The following SLIT3 variants were observed in gnomAD, a reference collection of about 807,000 sequenced individuals.
SLIT3 encodes the protein slit homolog 3 protein.
SLIT3 carries 68 observed loss-of-function variants against 184.0 expected under a neutral mutation model. The observed-to-expected ratio is 0.37, with a 90% CI of 0.30 to 0.45. SLIT3 has a LOEUF of 0.45. Ranked by LOEUF, SLIT3 falls within the 20% of genes least tolerant of loss-of-function variation. SLIT3 has a pLI of 1.00. For missense variants in SLIT3, 1,707 were observed against 2,026.0 expected, an observed-to-expected ratio of 0.84 and a Z score of 3.02; for synonymous variants, 831 against 828.6, an observed-to-expected ratio of 1.00 and a Z score of -0.05.
rs560237052 is a variant in SLIT3, at chr5:168,973,703, A to C, written c.414-90367T>G. On this transcript the variant is annotated intron_variant, in intron 4 of 35. Coordinates refer to ENST00000519560, the MANE Select transcript of SLIT3 (RefSeq NM_003062.4). ...GACAGTTTTCATTACTTCAAAAAGA[A>C]GCCCCATATCCCTTAGCCACAAACT... Among the ~76,000 whole-genome samples, 3 of 152,344 alleles carry C rather than the reference A, an allele frequency of 2.0e-5. No homozygotes were observed. In the South Asian group the frequency reaches 6.2e-4, roughly 32 times the overall value.
chr5:168,863,908 A>G (rs1227189089), intron 5 of SLIT3, among the ~76,000 whole-genome samples: 4 of 152,164 alleles, frequency 2.6e-5, no homozygotes, highest in African/African-American at 9.7e-5. Flanking sequence ...TTTGTCCACA[A>G]ATATTTCACA....
chr5:169,274,944 T>C (rs1766751960), intron 1 of SLIT3, among the ~76,000 whole-genome samples: 1 of 152,244 alleles, frequency 6.6e-6, no homozygotes, highest in South Asian at 2.1e-4. Flanking sequence ...TTAAACATGA[T>C]AATGTGTATA....
intron 3 of SLIT3, among the ~76,000 whole-genome samples, chr5:169,230,497 G>C (rs1219167606): frequency 6.6e-6 from 1 of 152,172 alleles, no homozygotes; most frequent in African/African-American, 2.4e-5. Flanking sequence ...CTAATTATTT[G>C]TTTCACATCT....
chr5:168,935,027 A>T (rs1762107995), intron 4 of SLIT3, among the ~76,000 whole-genome samples: 1 of 150,216 alleles, frequency 6.7e-6, no homozygotes, highest in South Asian at 2.1e-4. Context: ...AATCCCAGCT[A>T]CTTGGGAGGC....
At position 168,726,739 on chromosome 5, in the gene SLIT3, G is replaced by A. The variant is rs558125394; in HGVS notation, c.2271-2255C>T. Reference sequence around the variant, plus strand: ...TGTAATCCCAATACTTTGGGAAGCCGAGGCATGTGGATCATTTGAGGTCAG... The same window carrying A: ...TGTAATCCCAATACTTTGGGAAGCCAAGGCATGTGGATCATTTGAGGTCAG... On this transcript the variant is annotated intron_variant, in intron 20 of 35. Coordinates refer to ENST00000519560, the MANE Select transcript of SLIT3 (RefSeq NM_003062.4). Among the ~76,000 whole-genome samples the A allele has an allele frequency of 3.4e-4, 51 of 152,106 alleles. 1 individual carries two copies. The highest frequency in any genetic ancestry group is 1.4e-3 in the East Asian group (7 of 5,168).
intron 32 of SLIT3, among the ~76,000 whole-genome samples, chr5:168,680,976 C>T (rs1761572706): frequency 6.6e-6 from 1 of 152,126 alleles, no homozygotes; most frequent in Non-Finnish European, 1.5e-5. Context: ...CATGATGAAA[C>T]CCTGTCTCTT....
intron 1 of SLIT3, among the ~76,000 whole-genome samples, chr5:169,276,686 C>T (rs1273559188): frequency 1.3e-5 from 2 of 152,200 alleles, no homozygotes; most frequent in African/African-American, 4.8e-5. Context: ...GTAAAATTTA[C>T]ACTCAACAGC....
At position 168,817,319 on chromosome 5, in the gene SLIT3, C is replaced by T. The variant is rs1357747925; in HGVS notation, c.774G>A (p.Lys258=). The T allele has an allele frequency of 3.1e-6, 5 of 1,614,094 alleles. No homozygotes were observed. The Admixed American group carries it at 8.3e-5, about 27-fold the overall frequency. The change falls in exon 8 of 36, where the codon AAG becomes AAA. Residue 258 remains lysine, a synonymous_variant. Coordinates refer to ENST00000519560, the MANE Select transcript of SLIT3 (RefSeq NM_003062.4). ...LRGFNVADVQ[K]KEYVCPAPHS... ...CCTCACCTGGGCACACGTACTCCTT[C>T]TTCTGCACATCCGCCACGTTGAAGC... is the stretch of plus-strand genomic sequence containing the variant.
intron 4 of SLIT3, among the ~76,000 whole-genome samples, chr5:169,093,767 T>C (rs557380161): frequency 6.6e-6 from 1 of 152,290 alleles, no homozygotes; most frequent in East Asian, 1.9e-4. Context: ...CTCTCTAAAA[T>C]AATACACAAT....
chr5:169,078,732 T>C (rs1758846018), intron 4 of SLIT3, among the ~76,000 whole-genome samples: 1 of 152,210 alleles, frequency 6.6e-6, no homozygotes, highest in Non-Finnish European at 1.5e-5. Context: ...TTTCAGCTAC[T>C]CAGTGTGGTA....
At chr5:168,770,646 G>C (rs78756052) in intron 14 of SLIT3, among the ~76,000 whole-genome samples, 2,815 of 135,136 alleles carry the variant, frequency 0.021, 99 homozygotes, top group African/African-American at 0.074. Flanking sequence ...ATAATCTTTC[G>C]CTTAGCATTG....
At chr5:169,226,918 A>G (rs1764832613) in intron 3 of SLIT3, among the ~76,000 whole-genome samples, 1 of 151,232 alleles carries the variant, frequency 6.6e-6, no homozygotes, top group African/African-American at 2.5e-5. Context: ...TGCCTCAATG[A>G]GATATATACT....
At chr5:169,192,608 T>C (rs1763593449) in intron 4 of SLIT3, among the ~76,000 whole-genome samples, 1 of 152,192 alleles carries the variant, frequency 6.6e-6, no homozygotes, top group African/African-American at 2.4e-5. Flanking sequence ...GGAATGAGAA[T>C]GGTGGCCACA....
At chr5:169,294,296 T>A (rs962161665) in intron 1 of SLIT3, among the ~76,000 whole-genome samples, 1 of 141,174 alleles carries the variant, frequency 7.1e-6, no homozygotes, top group Non-Finnish European at 1.6e-5. Context: ...AAATTCCCCA[T>A]GAAAACCCAC....
intron 4 of SLIT3, among the ~76,000 whole-genome samples, chr5:169,131,736 C>A (rs1289958726): frequency 6.6e-6 from 1 of 152,186 alleles, no homozygotes; most frequent in East Asian, 1.9e-4. Flanking sequence ...TTAGCTATGC[C>A]TAAACCATTC....
At chr5:169,101,810 G>T (rs1581411195) in intron 4 of SLIT3, among the ~76,000 whole-genome samples, 1 of 152,210 alleles carries the variant, frequency 6.6e-6, no homozygotes, top group East Asian at 1.9e-4. Flanking sequence ...ATGTTATTCT[G>T]CTCTGCTTAG....
chr5:168,878,403 C>T (rs895595266), intron 5 of SLIT3, among the ~76,000 whole-genome samples: 3 of 152,220 alleles, frequency 2.0e-5, no homozygotes, highest in African/African-American at 7.2e-5. Context: ...GGCTCAGAGG[C>T]CGCCTGCGTC....
chr5:168,762,812 A>G, intron 14 of SLIT3, 123 bp from the exon 15 acceptor site: 2 of 958,522 alleles, frequency 2.1e-6, no homozygotes, highest in Non-Finnish European at 3.2e-6. Flanking sequence ...GGGGTCAAGT[A>G]ACAGACACGG....
intron 4 of SLIT3, among the ~76,000 whole-genome samples, chr5:169,179,276 C>CTTTTTTTTT (rs370270230): frequency 1.7e-4 from 21 of 124,932 alleles, no homozygotes; most frequent in Non-Finnish European, 2.3e-4. Context: ...ATTCCTTTTT[C>CTTTTTTTTT]TTTTTTTTTT....
Sources: gnomAD v4.1 joint callset for allele counts (sites outside exome capture counted in the v4.1 genomes callset) on GRCh38, gnomAD v4.1.1 for gene constraint, MANE v1.5 for transcripts, NCBI Gene and HGNC (gene_info 2026-07-23, HGNC 2026-07-21) for gene names.